Variants in DNER observed in about 807,000 individuals in gnomAD.
The protein encoded by DNER is delta and Notch-like epidermal growth factor-related receptor.
In DNER, 33 loss-of-function variants were observed where a neutral mutation model predicts 78.2. That is an observed-to-expected ratio of 0.42 (90% CI 0.32 to 0.56). The LOEUF (loss-of-function observed/expected upper bound fraction) is 0.56. DNER is among the 20% of genes least tolerant of loss of function. The pLI is 0.11. For missense variants in DNER, 918 were observed against 975.3 expected (o/e 0.94, Z 0.78); for synonymous variants, 417 against 384.8 (o/e 1.08, Z -0.98).
chr2:229,386,321 C>T (rs1238125230), intron 11 of DNER, among the ~76,000 whole-genome samples: 2 of 152,130 alleles, frequency 1.3e-5, no homozygotes, highest in Admixed American at 6.5e-5. Flanking sequence ...AAAACTAACT[C>T]AAGATGGATA....
At chr2:229,656,731 G>T (rs143300402) in intron 1 of DNER, among the ~76,000 whole-genome samples, 3 of 152,160 alleles carry the variant, frequency 2.0e-5, no homozygotes, top group African/African-American at 7.2e-5. Context: ...CACAGGAGGA[G>T]TTTAATTTCA....
At chr2:229,602,339 T>A (rs1697845492) in intron 1 of DNER, among the ~76,000 whole-genome samples, 1 of 152,196 alleles carries the variant, frequency 6.6e-6, no homozygotes, top group African/African-American at 2.4e-5. Context: ...ATTTCTTTTA[T>A]CTGATAAAGA....
chr2:229,373,140 T>C (rs6436861), intron 11 of DNER, among the ~76,000 whole-genome samples: 60,373 of 151,932 alleles, frequency 0.4, 12,967 homozygotes, highest in Middle Eastern at 0.5. Flanking sequence ...AAAGAAACTA[T>C]TGACAGAGTA....
intron 1 of DNER, among the ~76,000 whole-genome samples, chr2:229,672,237 G>C (rs1050438467): frequency 6.6e-6 from 1 of 152,148 alleles, no homozygotes; most frequent in African/African-American, 2.4e-5. Context: ...TGTCCTGTCT[G>C]GGGTAGCTGA....
chr2:229,678,912 C>G (rs1304690000), intron 1 of DNER, among the ~76,000 whole-genome samples: 1 of 152,160 alleles, frequency 6.6e-6, no homozygotes, highest in Non-Finnish European at 1.5e-5. Context: ...CAAGACAGAT[C>G]CACAAAGCAG....
chr2:229,471,853 G>C (rs371183051), intron 7 of DNER, among the ~76,000 whole-genome samples: 2 of 152,160 alleles, frequency 1.3e-5, no homozygotes, highest in East Asian at 1.9e-4. Flanking sequence ...AAAAGAGGTA[G>C]GTCCGGATTT....
intron 1 of DNER, among the ~76,000 whole-genome samples, chr2:229,597,107 A>G (rs199561256): frequency 6.4e-5 from 4 of 62,440 alleles, no homozygotes; most frequent in Admixed American, 1.9e-4. Flanking sequence ...ACACATGCAC[A>G]CACACATGCA....
At chr2:229,375,221 G>A (rs925845925) in intron 11 of DNER, among the ~76,000 whole-genome samples, 1 of 152,128 alleles carries the variant, frequency 6.6e-6, no homozygotes, top group African/African-American at 2.4e-5. Context: ...TGTTCAAAGA[G>A]AAAGACAGCT....
At chr2:229,692,265 T>C (rs532812038) in intron 1 of DNER, among the ~76,000 whole-genome samples, 4 of 152,354 alleles carry the variant, frequency 2.6e-5, no homozygotes, top group Non-Finnish European at 4.4e-5. Flanking sequence ...TTTTCAACTC[T>C]AAGATGACAA....
intron 1 of DNER, among the ~76,000 whole-genome samples, chr2:229,609,599 T>C (rs966503946): frequency 2.6e-5 from 4 of 152,094 alleles, no homozygotes; most frequent in Admixed American, 2.0e-4. Flanking sequence ...ATATTAACTA[T>C]CCGCCCTTTA....
At chr2:229,370,251 G>C (rs1559333075) in intron 11 of DNER, among the ~76,000 whole-genome samples, 1 of 152,176 alleles carries the variant, frequency 6.6e-6, no homozygotes, top group Admixed American at 6.5e-5. Flanking sequence ...ACAGAAAAAT[G>C]ACCCACGTGC....
intron 11 of DNER, among the ~76,000 whole-genome samples, chr2:229,384,173 C>T (rs1298430512): frequency 2.6e-5 from 4 of 152,022 alleles, no homozygotes; most frequent in Non-Finnish European, 4.4e-5. Context: ...GGGTAAATAA[C>T]GAAATTAATG....
chr2:229,703,441 A>G lies in DNER; in HGVS notation c.276+10707T>C, dbSNP rs539610107. Among the ~76,000 whole-genome samples, 16 of 152,356 alleles carry G rather than the reference A, an allele frequency of 1.1e-4. No homozygotes were observed. In the South Asian group the frequency reaches 2.9e-3, roughly 28 times the overall value. ...CTTCATGTCAAACCTTAAATGATACATGAGAAAACAAGAGGGGATTTTTGT... is the reference window on the plus strand; with the variant it reads ...CTTCATGTCAAACCTTAAATGATACGTGAGAAAACAAGAGGGGATTTTTGT... On this transcript the variant is annotated intron_variant, in intron 1 of 12. Transcript: ENST00000341772.
chr2:229,358,310 GCA>G lies in DNER; in HGVS notation c.*228_*229del, dbSNP rs1451380855. 1 of 301,858 alleles carries G rather than the reference GCA, an allele frequency of 3.3e-6. No homozygotes were observed. Among genetic ancestry groups the G allele is most frequent in the Admixed American group, 4.7e-5 (1 of 21,448 alleles). 18.7% of individuals were successfully genotyped at this position (301,858 alleles called of 1,614,324 possible). On this transcript the variant is annotated 3_prime_UTR_variant, in exon 13 of 13. Coordinates refer to ENST00000341772, the MANE Select transcript of DNER (RefSeq NM_139072.4). The stretch of plus-strand genomic sequence containing the variant: ...GTGAAAAGAGCACACACTAGTAGAA[GCA>G]CACAGTTTAGAGAGCTGAAGGTACA...
chr2:229,693,523 A>T (rs113749951), intron 1 of DNER, among the ~76,000 whole-genome samples: 5 of 152,094 alleles, frequency 3.3e-5, no homozygotes, highest in African/African-American at 1.2e-4. Context: ...GGAACTCCCT[A>T]GGGACTTGTT....
chr2:229,400,565 A>C (rs547311491), intron 10 of DNER, among the ~76,000 whole-genome samples: 1 of 152,068 alleles, frequency 6.6e-6, no homozygotes, highest in Non-Finnish European at 1.5e-5. Flanking sequence ...CAAAACAAAA[A>C]ATTAACCACA....
rs77536712 is a variant in DNER at position 229,597,727 on chromosome 2, C to G, written c.277-5839G>C. Among the ~76,000 whole-genome samples the G allele has an allele frequency of 1.7e-3, 264 of 152,342 alleles. 4 individuals carry two copies. The East Asian group carries it at 0.021, about 12-fold the overall frequency. On this transcript the variant is annotated intron_variant, in intron 1 of 12. Transcript: ENST00000341772. ...TGGTCTTCTGCTTACAGTGAACCAA[C>G]AGGCCCATTTATTAAATGCCGTGTG...
intron 1 of DNER, among the ~76,000 whole-genome samples, chr2:229,702,882 A>C (rs1313395337): frequency 7.3e-6 from 1 of 137,892 alleles, no homozygotes; most frequent in Non-Finnish European, 1.5e-5. Flanking sequence ...GTGCCACTGC[A>C]CTCCAGCCTG....
chr2:229,542,039 CCAAATA>C, intron 5 of DNER, among the ~76,000 whole-genome samples: 2 of 149,578 alleles, frequency 1.3e-5, no homozygotes, highest in African/African-American at 4.9e-5. Context: ...TCCTGTTCCT[CCAAATA>C]CAAATTTCTT....
Sources: allele counts gnomAD v4.1 joint callset (sites outside exome capture counted in the v4.1 genomes callset), GRCh38; gene constraint gnomAD v4.1.1; transcripts MANE v1.5; gene names NCBI Gene and HGNC (gene_info 2026-07-23, HGNC 2026-07-21).